The following RALY variants were observed in gnomAD, a reference collection of about 807,000 sequenced individuals.
RALY encodes RNA-binding protein Raly.
A neutral mutation model predicts 30.7 loss-of-function variants in RALY; 15 were observed. That is an observed-to-expected ratio of 0.49 (90% CI 0.33 to 0.75). The LOEUF is 0.75. Among genes scored for constraint, RALY ranks in the 30% least tolerant of loss-of-function variants. The pLI, the probability that RALY is intolerant of heterozygous loss-of-function variation, is 0.02. For synonymous variants in RALY, 177 were observed against 170.8 expected (o/e 1.04, Z -0.28); for missense variants, 339 against 414.3 (o/e 0.82, Z 1.58).
At chr20:34,009,362 C>T (rs559141775) in intron 1 of RALY, among the ~76,000 whole-genome samples, 35 of 152,172 alleles carry the variant, frequency 2.3e-4, no homozygotes, top group African/African-American at 7.7e-4. Flanking sequence ...TCTCAGTCTC[C>T]CAACTAGCTG....
chr20:34,057,535 C>T (rs187780952), intron 2 of RALY, among the ~76,000 whole-genome samples: 74 of 151,970 alleles, frequency 4.9e-4, no homozygotes, highest in African/African-American at 1.5e-3. Context: ...GGCATGGTGG[C>T]GGGCGCCTGT....
At chr20:34,011,151 A>C (rs1172108109) in intron 1 of RALY, among the ~76,000 whole-genome samples, 1 of 152,144 alleles carries the variant, frequency 6.6e-6, no homozygotes, top group Non-Finnish European at 1.5e-5. Context: ...AGTTGGATTA[A>C]ATATTATAAC....
intron 2 of RALY, among the ~76,000 whole-genome samples, chr20:34,071,295 C>T (rs944105417): frequency 6.9e-6 from 1 of 144,350 alleles, no homozygotes; most frequent in African/African-American, 2.5e-5. Flanking sequence ...CTTTTCTTTT[C>T]TTTTTTTTTT....
At chr20:33,995,286 G>T (rs1048732707) in intron 1 of RALY, among the ~76,000 whole-genome samples, 1 of 152,166 alleles carries the variant, frequency 6.6e-6, no homozygotes, top group Non-Finnish European at 1.5e-5. Flanking sequence ...ATTCCCTGGG[G>T]TTTTGGCTCA....
intron 1 of RALY, among the ~76,000 whole-genome samples, chr20:34,014,536 T>C (rs1370569661): frequency 6.6e-6 from 1 of 152,216 alleles, no homozygotes; most frequent in African/African-American, 2.4e-5. Context: ...AAATAATGCA[T>C]TTAAATTTGG....
chr20:34,045,084 T>A lies in RALY; in HGVS notation c.-10+13480T>A, dbSNP rs145100118. Among the ~76,000 whole-genome samples the A allele has an allele frequency of 5.9e-5, 9 of 151,682 alleles. No homozygotes were observed. The East Asian group carries it at 9.7e-4, about 16-fold the overall frequency. ...ACCACCACACCTAGCTAATTAAAAA[T>A]TTTTTTTTGTAGAGCCAGGGTCTCC... On this transcript the variant is annotated intron_variant, in intron 2 of 9. Transcript: ENST00000246194.
At chr20:34,072,929 A>AGT (rs3835232) in intron 3 of RALY, among the ~76,000 whole-genome samples, 3,044 of 149,084 alleles carry the variant, frequency 0.02, 30 homozygotes, top group Non-Finnish European at 0.029. Flanking sequence ...GTATAGATGT[A>AGT]GTGTGTGTGT....
intron 1 of RALY, chr20:34,015,004 GAA>G (rs1423235033): frequency 6.6e-6 from 1 of 152,218 alleles, no homozygotes; most frequent in Admixed American, 6.5e-5. Context: ...TCTTGAGAGA[GAA>G]CTAACTGGAA....
chr20:34,050,971 G>A (rs931428860), intron 2 of RALY, among the ~76,000 whole-genome samples: 3 of 152,126 alleles, frequency 2.0e-5, no homozygotes, highest in Admixed American at 2.0e-4. Flanking sequence ...TGAGAGAAAT[G>A]GACATATTTC....
At position 34,082,790 on chromosome 20, in the gene RALY, C is replaced by T. The variant is rs1268091764; in HGVS notation, c.*2885C>T. The T allele has an allele frequency of 3.9e-5, 6 of 152,214 alleles. No homozygotes were observed. The highest frequency in any genetic ancestry group is 2.1e-4 in the South Asian group (1 of 4,830). 9.4% of individuals were successfully genotyped at this position (152,214 alleles called of 1,614,324 possible). ...GTCGGGGCAGCAAAAACATCCATTC[C>T]GCTGCGCAACAGTTGTCATTTTTCT... On this transcript the variant is annotated 3_prime_UTR_variant, in exon 10 of 10. Coordinates refer to ENST00000246194, the MANE Select transcript of RALY (RefSeq NM_016732.3).
rs1248436409 is a variant in RALY, at chr20:34,084,577, TATG to T, written c.*4676_*4678del. On this transcript the variant is annotated 3_prime_UTR_variant, in exon 10 of 10. Coordinates refer to ENST00000246194, the MANE Select transcript of RALY (RefSeq NM_016732.3). ...TAAACTCTGTGACCGATCAATAGCA[TATG>T]ATGGTGGTGGTGCTCTGCCAGTCTC... The T allele has an allele frequency of 6.6e-6, 1 of 152,266 alleles. No individual in the cohort carries two copies. Among genetic ancestry groups the T allele is most frequent in the Non-Finnish European group, 1.5e-5 (1 of 68,066 alleles). 9.4% of individuals were successfully genotyped at this position (152,266 alleles called of 1,614,324 possible).
chr20:34,017,771 C>CA (rs2031664377), intron 1 of RALY: 1 of 152,210 alleles, frequency 6.6e-6, no homozygotes, highest in South Asian at 2.1e-4. Context: ...CCAGTGTGGT[C>CA]AGACCAAATT....
chr20:34,011,360 A>G (rs763953358), intron 1 of RALY, among the ~76,000 whole-genome samples: 3 of 152,192 alleles, frequency 2.0e-5, no homozygotes, highest in Non-Finnish European at 2.9e-5. Context: ...TAATTTTTTT[A>G]AAAGTGAGAT....
intron 1 of RALY, among the ~76,000 whole-genome samples, chr20:34,001,629 T>C (rs937132268): frequency 6.6e-6 from 1 of 152,254 alleles, no homozygotes; most frequent in Non-Finnish European, 1.5e-5. Flanking sequence ...TCTATTTGTC[T>C]AGTTTCCTTT....
intron 1 of RALY, among the ~76,000 whole-genome samples, chr20:34,004,505 C>T (rs1010071466): frequency 6.6e-5 from 10 of 152,242 alleles, no homozygotes; most frequent in African/African-American, 2.4e-4. Context: ...TGAGTAGAGG[C>T]ACAGATGAAT....
chr20:34,048,724 C>T lies in RALY; in HGVS notation c.-10+17120C>T, dbSNP rs901310301. 1.3e-4 allele frequency among the ~76,000 whole-genome samples: 20 copies of T among 151,878 alleles called. No individual in the cohort carries two copies. The South Asian group carries it at 1.7e-3, about 13-fold the overall frequency. ...ACAAAAAATTAGCCGGGCGTGGTGG[C>T]GGGCGCCTGTAGTCCCAGCTACTCG... On this transcript the variant is annotated intron_variant, in intron 2 of 9. Transcript: ENST00000246194.
chr20:34,032,112 A>G (rs547251167), intron 2 of RALY, among the ~76,000 whole-genome samples: 1 of 152,230 alleles, frequency 6.6e-6, no homozygotes, highest in Non-Finnish European at 1.5e-5. Flanking sequence ...ACAGGCATGC[A>G]CCGCCATGCC....
At chr20:34,050,916 CA>C (rs1601473558) in intron 2 of RALY, among the ~76,000 whole-genome samples, 2 of 152,240 alleles carry the variant, frequency 1.3e-5, no homozygotes, top group East Asian at 3.9e-4. Context: ...AGCAGATTGG[CA>C]ATTTAGTGTG....
In RALY at chr20:34,073,825, C is replaced by T. The variant is rs777363522; in HGVS notation, c.336C>T (p.Tyr112=). 1 of 1,614,170 alleles carries T rather than the reference C, an allele frequency of 6.2e-7. No homozygotes were observed. Among genetic ancestry groups the T allele is most frequent in the Non-Finnish European group, 8.5e-7 (1 of 1,180,002 alleles). The change falls in exon 5 of 10, where the codon TAC becomes TAT. Residue 112 remains tyrosine, a synonymous_variant. Transcript: ENST00000246194. ...KRAASAIYSG[Y]IFDYDYYRDD... ...CTCCCCTTTGTTTCCCCAGTGGCTA[C>T]ATCTTTGACTATGATTACTACCGGG...
Sources: allele counts gnomAD v4.1 joint callset (sites outside exome capture counted in the v4.1 genomes callset), GRCh38; gene constraint gnomAD v4.1.1; transcripts MANE v1.5; gene names NCBI Gene and HGNC (gene_info 2026-07-23, HGNC 2026-07-21).